The following TBXAS1 variants were observed in gnomAD, a reference collection of about 807,000 sequenced individuals.
TBXAS1 encodes thromboxane A synthase 1, also known as thromboxane-A synthase.
TBXAS1 carries 48 observed loss-of-function variants against 60.7 expected under a neutral mutation model. That is an observed-to-expected ratio of 0.79 (90% confidence interval 0.63 to 1.01). The LOEUF is 1.01. Ranked by LOEUF, TBXAS1 falls within the 50% of genes least tolerant of loss-of-function variation. The pLI, the probability that TBXAS1 is intolerant of heterozygous loss-of-function variation, is 0.00. For synonymous variants in TBXAS1, 287 were observed against 269.7 expected (o/e 1.06, Z -0.63); for missense variants, 685 against 686.3 (o/e 1.00, Z 0.02).
At chr7:139,874,906 C>T (rs978911786) in intron 2 of TBXAS1, among the ~76,000 whole-genome samples, 18 of 152,176 alleles carry the variant, frequency 1.2e-4, no homozygotes, top group Non-Finnish European at 2.9e-5. Flanking sequence ...ACCAGCCTGG[C>T]CAACATGGTG....
At chr7:140,006,522 C>T (rs77268022) in intron 9 of TBXAS1, among the ~76,000 whole-genome samples, 8,138 of 152,286 alleles carry the variant, frequency 0.053, 282 homozygotes, top group African/African-American at 0.095. Context: ...TTCGCCTGTT[C>T]ATAGCCTTTG....
At chr7:139,970,272 A>G (rs1473865698) in intron 9 of TBXAS1, among the ~76,000 whole-genome samples, 2 of 152,100 alleles carry the variant, frequency 1.3e-5, no homozygotes, top group Non-Finnish European at 2.9e-5. Context: ...ATGCCCAGCT[A>G]ATTTTTGTAT....
In TBXAS1 at chr7:139,917,309, C is replaced by T. The variant is rs532852834; in HGVS notation, c.333+5988C>T. On this transcript the variant is annotated intron_variant, in intron 4 of 12. Coordinates refer to ENST00000448866, the MANE Select transcript of TBXAS1 (RefSeq NM_001061.7). ...ATGTGACCTCCGTCTCCTTCTCTGC[C>T]GCAATCTTCTTCTTATAACACCCAC... Among the ~76,000 whole-genome samples the T allele has an allele frequency of 1.4e-4, 21 of 152,242 alleles. 1 individual carries two copies. The South Asian group carries it at 1.7e-3, about 12-fold the overall frequency.
chr7:139,986,405 T>C (rs1812459494), intron 9 of TBXAS1, among the ~76,000 whole-genome samples: 3 of 152,128 alleles, frequency 2.0e-5, no homozygotes, highest in Admixed American at 1.3e-4. Context: ...GAACAGGTGG[T>C]ATTTGGTTAC....
At chr7:139,884,238 C>A (rs1802909448) in intron 3 of TBXAS1, among the ~76,000 whole-genome samples, 1 of 152,248 alleles carries the variant, frequency 6.6e-6, no homozygotes, top group Non-Finnish European at 1.5e-5. Context: ...CACCTCCCAC[C>A]CAGTAGCACC....
chr7:139,936,029 C>T (rs1403338332), intron 4 of TBXAS1, among the ~76,000 whole-genome samples, 162 bp from the exon 5 acceptor site: 1 of 152,228 alleles, frequency 6.6e-6, no homozygotes, highest in African/African-American at 2.4e-5. Flanking sequence ...CTATCACTGC[C>T]TGTAAGCCTT....
intron 1 of TBXAS1, among the ~76,000 whole-genome samples, chr7:139,831,522 G>A (rs1386281876): frequency 1.3e-5 from 2 of 152,264 alleles, no homozygotes; most frequent in African/African-American, 2.4e-5. Context: ...ACACTTGCAG[G>A]AGAAACTGGC....
intron 3 of TBXAS1, among the ~76,000 whole-genome samples, chr7:139,879,369 G>A (rs1030018914): frequency 2.3e-4 from 35 of 152,268 alleles, no homozygotes; most frequent in African/African-American, 6.7e-4. Context: ...GCTATTAGTC[G>A]TGGTGGTACG....
At position 139,872,191 on chromosome 7, in the gene TBXAS1, T is replaced by G. The variant is rs753523215; in HGVS notation, c.90-44T>G. ...TTCCTAATAGAGCCTAAAGCATGAG[T>G]GCAACTTCATTTCTCAGCTTTTGAA... On this transcript the variant is annotated intron_variant, in intron 1 of 12. Transcript: ENST00000448866. The G allele has an allele frequency of 1.9e-6, 3 of 1,556,960 alleles. No homozygotes were observed. In the Admixed American group the frequency reaches 5.0e-5, roughly 26 times the overall value.
intron 4 of TBXAS1, among the ~76,000 whole-genome samples, chr7:139,821,997 G>T (rs567303641): frequency 6.6e-6 from 1 of 152,184 alleles, no homozygotes; most frequent in East Asian, 1.9e-4. Context: ...AGTGCTCCCT[G>T]TGAGCCAGAG....
At chr7:139,887,417 A>G (rs1288631145) in intron 3 of TBXAS1, among the ~76,000 whole-genome samples, 1 of 152,130 alleles carries the variant, frequency 6.6e-6, no homozygotes, top group African/African-American at 2.4e-5. Context: ...CTCATTAAAC[A>G]TTAACTCTCC....
chr7:140,015,382 A>G (rs1458125261), intron 10 of TBXAS1, among the ~76,000 whole-genome samples: 1 of 152,150 alleles, frequency 6.6e-6, no homozygotes, highest in East Asian at 1.9e-4. Context: ...TATGAAAGCA[A>G]TCCTTCCAAA....
rs1285874660 is a variant in TBXAS1, at chr7:139,905,005, C to CTTTCTTTCTT, written c.237-6219_237-6218insTTCTTTCTTT. 1.1e-3 allele frequency among the ~76,000 whole-genome samples: 100 copies of CTTTCTTTCTT among 90,486 alleles called. 1 individual carries two copies. The highest frequency in any genetic ancestry group is 1.5e-3 in the Non-Finnish European group (66 of 44,824). 59.4% of individuals were successfully genotyped at this position (90,486 alleles called of 152,430 possible). On this transcript the variant is annotated intron_variant, in intron 3 of 12. Transcript: ENST00000448866. The stretch of plus-strand genomic sequence containing the variant: ...TCTCTTTCTCTCTTTCTCTCTTTCT[C>CTTTCTTTCTT]TCTTTCTTTCTTTCTTTCTTTCTTT...
intron 1 of TBXAS1, among the ~76,000 whole-genome samples, chr7:139,837,911 G>A (rs1274165572): frequency 6.6e-6 from 1 of 152,194 alleles, no homozygotes; most frequent in Non-Finnish European, 1.5e-5. Flanking sequence ...AAGGGTGAGG[G>A]CCAGGTCTCC....
chr7:139,951,928 AGAG>A (rs1809367980), intron 5 of TBXAS1, among the ~76,000 whole-genome samples: 1 of 80,408 alleles, frequency 1.2e-5, no homozygotes, highest in Non-Finnish European at 2.6e-5. Context: ...AGAGAAAGAA[AGAG>A]AGAAAGAAGG....
intron 9 of TBXAS1, among the ~76,000 whole-genome samples, chr7:139,976,166 C>A (rs546666095): frequency 6.6e-6 from 1 of 152,352 alleles, no homozygotes; most frequent in African/African-American, 2.4e-5. Flanking sequence ...CCCCTCTGCT[C>A]ATTGCCAGAG....
Position 139,893,931 on chromosome 7 carries a change from T to C in TBXAS1, c.237-17294T>C, listed in dbSNP as rs1803869269. ...CCCCCTTGCTGCCCAGTTCTCTCCT[T>C]TAGCCATAGCTCTGTTTTGGAGAAA... is the stretch of plus-strand genomic sequence containing the variant. On this transcript the variant is annotated intron_variant, in intron 3 of 12. Transcript: ENST00000448866. Among the ~76,000 whole-genome samples the C allele has an allele frequency of 2.0e-5, 3 of 152,328 alleles. No homozygotes were observed. In the South Asian group the frequency reaches 6.2e-4, roughly 32 times the overall value.
chr7:139,920,660 C>T (rs917165948), intron 4 of TBXAS1, among the ~76,000 whole-genome samples: 2 of 152,188 alleles, frequency 1.3e-5, no homozygotes, highest in Non-Finnish European at 1.5e-5. Context: ...CCCCAGTTAC[C>T]AGCTTGAGAT....
intron 4 of TBXAS1, among the ~76,000 whole-genome samples, chr7:139,789,086 C>T (rs1411598140): frequency 6.6e-6 from 1 of 152,140 alleles, no homozygotes; most frequent in Non-Finnish European, 1.5e-5. Context: ...AAATGGAGGT[C>T]GTTAGTGTGA....
Sources: gnomAD v4.1 joint callset for allele counts (sites outside exome capture counted in the v4.1 genomes callset) on GRCh38, gnomAD v4.1.1 for gene constraint, MANE v1.5 for transcripts, NCBI Gene and HGNC (gene_info 2026-07-23, HGNC 2026-07-21) for gene names.